The following LAMA2 variants were observed in gnomAD, a reference collection of about 807,000 sequenced individuals.
The protein encoded by LAMA2 is laminin subunit alpha-2.
LAMA2 carries 269 observed loss-of-function variants against 364.8 expected under a neutral mutation model. That is an observed-to-expected ratio of 0.74 (90% CI 0.67 to 0.82). The LOEUF (loss-of-function observed/expected upper bound fraction) is 0.82, where lower values mean the gene tolerates loss of function less well. Among genes scored for constraint, LAMA2 ranks in the 40% least tolerant of loss-of-function variants. The pLI, the probability that LAMA2 is intolerant of heterozygous loss-of-function variation, is 0.00. For missense variants in LAMA2, 3,807 were observed against 3,873.2 expected (o/e 0.98, Z 0.45); for synonymous variants, 1,379 against 1,370.6 (o/e 1.01, Z -0.14).
chr6:129,102,448 A>G (rs1261493543), intron 4 of LAMA2, among the ~76,000 whole-genome samples: 1 of 151,782 alleles, frequency 6.6e-6, no homozygotes, highest in Non-Finnish European at 1.5e-5. Context: ...TTCATTTTCA[A>G]ATAGAAGTTG....
At position 129,288,080 on chromosome 6, in the gene LAMA2, C is replaced by T. The variant is rs1175565779; in HGVS notation, c.2749+22C>T. The T allele has an allele frequency of 1.9e-6, 3 of 1,592,296 alleles. No homozygotes were observed. The African/African-American group carries it at 4.0e-5, about 21-fold the overall frequency. On this transcript the variant is annotated intron_variant, in intron 19 of 64. Transcript: ENST00000421865. The stretch of plus-strand genomic sequence containing the variant: ...CAGCGTAAGTCCTGAACTATTGATG[C>T]CCCTGACAGAATTGATGTATTGTAC...
chr6:129,328,339 C>T lies in LAMA2; in HGVS notation c.4238C>T (p.Thr1413Ile), dbSNP rs748730985. Residue 1413 changes from threonine (T) to isoleucine (I), a missense_variant, in exon 29 of 65, where the codon ACC becomes ATC. By Grantham distance (89) the Thr-to-Ile change is moderately conservative. Coordinates refer to ENST00000421865, the MANE Select transcript of LAMA2 (RefSeq NM_000426.4). ...CCAGGTGGCCGCACCCCTGGACCAA[C>T]CCTGGGCACCTGTGTTCCATGTCAA... ...SQPGGRTPGP[T>I]LGTCVPCQCN... 8 of 1,614,220 alleles carry T rather than the reference C, an allele frequency of 5.0e-6. No individual in the cohort carries two copies.
At chr6:129,423,787 C>T (rs948776144) in intron 40 of LAMA2, among the ~76,000 whole-genome samples, 5 of 152,030 alleles carry the variant, frequency 3.3e-5, no homozygotes, top group African/African-American at 1.2e-4. Flanking sequence ...AAGAGATATA[C>T]CATGTTCATA....
intron 9 of LAMA2, among the ~76,000 whole-genome samples, chr6:129,170,036 A>C (rs1780028971): frequency 6.6e-6 from 1 of 151,696 alleles, no homozygotes; most frequent in South Asian, 2.1e-4. Flanking sequence ...TATTGCATCT[A>C]TTAGATTCTT....
chr6:129,422,614 G>A (rs925299034), intron 40 of LAMA2, among the ~76,000 whole-genome samples: 2 of 152,018 alleles, frequency 1.3e-5, no homozygotes, highest in Admixed American at 6.5e-5. Flanking sequence ...GGATAAAAAG[G>A]GCAAATTCTT....
intron 1 of LAMA2, among the ~76,000 whole-genome samples, chr6:128,892,694 G>T (rs1052526305): frequency 1.3e-5 from 2 of 151,740 alleles, no homozygotes; most frequent in Admixed American, 1.3e-4. Context: ...TCTCAATATA[G>T]ATTGTCTTTA....
intron 42 of LAMA2, among the ~76,000 whole-genome samples, chr6:129,439,314 A>G (rs1375973699): frequency 6.6e-6 from 1 of 151,846 alleles, no homozygotes; most frequent in African/African-American, 2.4e-5. Flanking sequence ...CAAATATCCA[A>G]CTCTCCAAGG....
chr6:129,190,921 C>T (rs1319732742), intron 11 of LAMA2, among the ~76,000 whole-genome samples: 1 of 152,184 alleles, frequency 6.6e-6, no homozygotes, highest in Non-Finnish European at 1.5e-5. Flanking sequence ...GTTTACCTTT[C>T]TAACTTCACT....
Position 129,300,820 on chromosome 6 carries a change from G to A in LAMA2, c.3122G>A (p.Cys1041Tyr). The A allele has an allele frequency of 3.7e-6, 6 of 1,613,870 alleles. No individual in the cohort carries two copies. Among genetic ancestry groups the A allele is most frequent in the Non-Finnish European group, 5.1e-6 (6 of 1,179,788 alleles). ...ICPPNTIGEK[C>Y]SKCAPNTWGH... ...CCTCCCAATACCATTGGAGAGAAAT[G>A]TTCTAAATGTGCACCCAATACCTGG... is the stretch of plus-strand genomic sequence containing the variant. Residue 1041 changes from cysteine (C) to tyrosine (Y), a missense_variant, in exon 22 of 65, where the codon TGT becomes TAT. Coordinates refer to ENST00000421865, the MANE Select transcript of LAMA2 (RefSeq NM_000426.4).
chr6:129,311,700 T>C lies in LAMA2; in HGVS notation c.3175-1161T>C, dbSNP rs548519375. On this transcript the variant is annotated intron_variant, in intron 22 of 64. Coordinates refer to ENST00000421865, the MANE Select transcript of LAMA2 (RefSeq NM_000426.4). ...ATTTTTATTAAATTGCAAGAAGATA[T>C]GAGCTCTGTAAATCAAGAGCAGAAA... Among the ~76,000 whole-genome samples, 10 of 152,282 alleles carry C rather than the reference T, an allele frequency of 6.6e-5. No homozygotes were observed. In the East Asian group the frequency reaches 9.7e-4, roughly 15 times the overall value.
intron 1 of LAMA2, among the ~76,000 whole-genome samples, chr6:129,042,592 C>T (rs1474787422): frequency 2.0e-5 from 3 of 152,016 alleles, no homozygotes; most frequent in Non-Finnish European, 4.4e-5. Flanking sequence ...CAAATACATA[C>T]ACCATTATAA....
At chr6:129,477,896 T>G (rs1385245488) in intron 53 of LAMA2, among the ~76,000 whole-genome samples, 1 of 152,132 alleles carries the variant, frequency 6.6e-6, no homozygotes, top group Non-Finnish European at 1.5e-5. Context: ...AGATCCTCTC[T>G]CCTCAGCATC....
chr6:129,295,513 A>C (rs1773114779), intron 20 of LAMA2, among the ~76,000 whole-genome samples: 1 of 152,220 alleles, frequency 6.6e-6, no homozygotes, highest in African/African-American at 2.4e-5. Context: ...ATTTTTGAAC[A>C]AATTTGTAAA....
At chr6:128,926,365 A>T (rs113579717) in intron 1 of LAMA2, among the ~76,000 whole-genome samples, 2 of 152,186 alleles carry the variant, frequency 1.3e-5, no homozygotes, top group African/African-American at 4.8e-5. Context: ...TACCGCTTCA[A>T]GGATCAGAAC....
At chr6:129,094,815 TTG>T (rs1209614570) in intron 3 of LAMA2, among the ~76,000 whole-genome samples, 1 of 152,206 alleles carries the variant, frequency 6.6e-6, no homozygotes, top group Non-Finnish European at 1.5e-5. Context: ...TCTTCCCTGG[TTG>T]TGTCTTTAGA....
intron 60 of LAMA2, among the ~76,000 whole-genome samples, chr6:129,504,633 C>G (rs1785912084): frequency 6.6e-6 from 1 of 152,204 alleles, no homozygotes; most frequent in African/African-American, 2.4e-5. Flanking sequence ...CTCCACCGCC[C>G]TAAATTTCAG....
intron 1 of LAMA2, among the ~76,000 whole-genome samples, chr6:129,026,230 G>C (rs942621473): frequency 1.1e-5 from 1 of 93,018 alleles, no homozygotes; most frequent in African/African-American, 2.6e-5. Context: ...TAAGTGTTTT[G>C]ACAAGATATA....
chr6:129,130,232 T>C (rs1777387732), intron 4 of LAMA2, among the ~76,000 whole-genome samples: 1 of 152,234 alleles, frequency 6.6e-6, no homozygotes, highest in Non-Finnish European at 1.5e-5. Flanking sequence ...GACTGAGATT[T>C]GTCAAAGCTA....
At chr6:129,209,913 A>G (rs1459963161) in intron 12 of LAMA2, among the ~76,000 whole-genome samples, 1 of 149,564 alleles carries the variant, frequency 6.7e-6, no homozygotes, top group South Asian at 2.1e-4. Flanking sequence ...CTGAGGCAGG[A>G]GAATGACGTG....
Sources: gnomAD v4.1 joint callset for allele counts (sites outside exome capture counted in the v4.1 genomes callset) on GRCh38, gnomAD v4.1.1 for gene constraint, MANE v1.5 for transcripts, NCBI Gene and HGNC (gene_info 2026-07-23, HGNC 2026-07-21) for gene names.